TCF4: variants seen among roughly 807,000 people sequenced by gnomAD.
TCF4 encodes transcription factor 4.
A neutral mutation model predicts 82.1 loss-of-function variants in TCF4; 3 were observed. The observed-to-expected ratio is 0.04, with a 90% CI of 0.02 to 0.09. TCF4 has a LOEUF of 0.09. Ranked by LOEUF, TCF4 falls within the 10% of genes least tolerant of loss-of-function variation. The pLI is 1.00. For synonymous variants in TCF4, 276 were observed against 309.6 expected (o/e 0.89, Z 1.14); for missense variants, 518 against 852.7 (o/e 0.61, Z 4.89).
intron 2 of TCF4, among the ~76,000 whole-genome samples, chr18:55,624,479 T>C (rs1293463334): frequency 6.6e-6 from 1 of 151,916 alleles, no homozygotes; most frequent in African/African-American, 2.4e-5. Context: ...TATCACATAT[T>C]ATTTTGATCA....
chr18:55,394,853 C>T (rs1047503587), intron 6 of TCF4, among the ~76,000 whole-genome samples: 5 of 152,136 alleles, frequency 3.3e-5, no homozygotes, highest in South Asian at 2.1e-4. Flanking sequence ...ATCCACAGAG[C>T]GCACACAATT....
At chr18:55,269,254 T>C (rs919075294) in intron 11 of TCF4, 1 of 154,060 alleles carries the variant, frequency 6.5e-6, no homozygotes, top group Non-Finnish European at 1.4e-5. Flanking sequence ...CAGCAAATAA[T>C]TTCTGGCCAA....
intron 3 of TCF4, among the ~76,000 whole-genome samples, chr18:55,464,735 A>C (rs1286961355): frequency 1.3e-5 from 2 of 151,542 alleles, no homozygotes; most frequent in Non-Finnish European, 2.9e-5. Flanking sequence ...TTTTTTTTTT[A>C]AACTAGACAT....
chr18:55,352,670 T>C (rs1320087699), intron 6 of TCF4, among the ~76,000 whole-genome samples: 1 of 152,154 alleles, frequency 6.6e-6, no homozygotes, highest in African/African-American at 2.4e-5. Context: ...TGAGACATAT[T>C]AAAACACTAC....
intron 8 of TCF4, among the ~76,000 whole-genome samples, chr18:55,310,632 G>A (rs560749879): frequency 6.6e-6 from 1 of 152,332 alleles, no homozygotes; most frequent in African/African-American, 2.4e-5. Flanking sequence ...CCAGTTGTGA[G>A]GAGGTAAAGG....
intron 2 of TCF4, among the ~76,000 whole-genome samples, chr18:55,619,971 G>A (rs1022833161): frequency 6.6e-6 from 1 of 152,154 alleles, no homozygotes. Context: ...CGTGCCAAGG[G>A]AGAGACCAGG....
chr18:55,445,901 T>A (rs1400509795), intron 5 of TCF4, among the ~76,000 whole-genome samples: 1 of 152,186 alleles, frequency 6.6e-6, no homozygotes, highest in East Asian at 1.9e-4. Context: ...ACAATAGCCA[T>A]TCCTAACTCC....
intron 8 of TCF4, among the ~76,000 whole-genome samples, chr18:55,301,811 A>AAAAAAT (rs2068378455): frequency 7.2e-6 from 1 of 139,744 alleles, no homozygotes; most frequent in Non-Finnish European, 1.6e-5. Flanking sequence ...AAAAAAAAAA[A>AAAAAAT]AGTGGGGGGG....
intron 9 of TCF4, among the ~76,000 whole-genome samples, chr18:55,277,750 T>C (rs2146211145): frequency 6.6e-6 from 1 of 152,276 alleles, no homozygotes; most frequent in East Asian, 1.9e-4. Context: ...AGAAAGCCAC[T>C]TTCCTGGGCA....
At chr18:55,401,741 AG>A in intron 6 of TCF4, 1 of 986,014 alleles carries the variant, frequency 1.0e-6, no homozygotes, top group Non-Finnish European at 1.2e-6. Context: ...TACTCAGCAG[AG>A]GAAATCTTTG....
intron 17 of TCF4, chr18:55,230,577 G>C (rs1029407083): frequency 2.0e-5 from 3 of 152,118 alleles, no homozygotes; most frequent in Non-Finnish European, 4.4e-5. Flanking sequence ...CCCATCACAA[G>C]AAACTCCATG....
rs79491093 is a variant in TCF4 at position 55,468,891 on chromosome 18, C to G, written c.146-4754G>C. The stretch of plus-strand genomic sequence containing the variant: ...ATCTATTTAGTTCTCGCCCCCCCCC[C>G]CCTTGTTCTATTGCCACCCTTTTTC... On this transcript the variant is annotated intron_variant, in intron 3 of 19. Transcript: ENST00000354452. Among the ~76,000 whole-genome samples, 368 of 127,798 alleles carry G rather than the reference C, an allele frequency of 2.9e-3. 7 individuals carry two copies. Among genetic ancestry groups the G allele is most frequent in the Non-Finnish European group, 2.8e-3 (172 of 60,718 alleles). The allele number at this position is 127,798 out of a possible 152,430, so 83.8% of individuals were successfully genotyped here.
At chr18:55,532,549 T>A (rs1430894039) in intron 3 of TCF4, among the ~76,000 whole-genome samples, 1 of 152,214 alleles carries the variant, frequency 6.6e-6, no homozygotes, top group Non-Finnish European at 1.5e-5. Flanking sequence ...AACCTAAACA[T>A]ACAAAGATGT....
intron 6 of TCF4, chr18:55,401,349 T>C (rs1188627974): frequency 2.6e-6 from 3 of 1,135,788 alleles, no homozygotes; most frequent in Admixed American, 4.2e-5. Context: ...TAGTAGACTC[T>C]TGCAAGACTC....
At chr18:55,500,081 C>A (rs1328404763) in intron 3 of TCF4, among the ~76,000 whole-genome samples, 3 of 152,116 alleles carry the variant, frequency 2.0e-5, no homozygotes, top group African/African-American at 4.8e-5. Context: ...TACTCGGAGG[C>A]TGAGGCAGGA....
chr18:55,260,099 G>T, intron 12 of TCF4, 72 bp from the exon 13 acceptor site: 1 of 1,159,012 alleles, frequency 8.6e-7, no homozygotes, highest in Non-Finnish European at 1.3e-6. Flanking sequence ...AAACTACGAA[G>T]TTGTCAACGC....
At chr18:55,331,956 A>G (rs2077652523) in intron 8 of TCF4, 1 of 152,200 alleles carries the variant, frequency 6.6e-6, no homozygotes, top group African/African-American at 2.4e-5. Flanking sequence ...CTCTCAATAC[A>G]ATAACTAATA....
At chr18:55,517,225 GAGAC>G in intron 3 of TCF4, among the ~76,000 whole-genome samples, 1 of 152,276 alleles carries the variant, frequency 6.6e-6, no homozygotes, top group South Asian at 2.1e-4. Context: ...GATGTAAGCA[GAGAC>G]TTAAAAAGTG....
intron 3 of TCF4, among the ~76,000 whole-genome samples, chr18:55,520,983 T>C (rs1390713337): frequency 2.0e-5 from 3 of 152,280 alleles, no homozygotes; most frequent in Admixed American, 2.0e-4. Context: ...CCTTGGTATC[T>C]TTTCCTTTTC....
Sources: gnomAD v4.1 joint callset for allele counts (sites outside exome capture counted in the v4.1 genomes callset) on GRCh38, gnomAD v4.1.1 for gene constraint, MANE v1.5 for transcripts, NCBI Gene and HGNC (gene_info 2026-07-23, HGNC 2026-07-21) for gene names.